The following PCDHGA5 variants were observed in gnomAD, a reference collection of about 807,000 sequenced individuals.
The protein encoded by PCDHGA5 is protocadherin gamma-A5.
Under a neutral mutation model 56.7 loss-of-function variants are expected in PCDHGA5, and 36 were observed. The observed-to-expected ratio is 0.64, with a 90% CI of 0.49 to 0.84. The LOEUF (loss-of-function observed/expected upper bound fraction) is 0.84, where lower values mean the gene tolerates loss of function less well. Ranked by LOEUF, PCDHGA5 falls within the 40% of genes least tolerant of loss-of-function variation. The pLI is 0.00. For missense variants in PCDHGA5, 1,305 were observed against 1,201.5 expected (o/e 1.09, Z -1.27); for synonymous variants, 563 against 520.2 (o/e 1.08, Z -1.12).
intron 1 of PCDHGA5, among the ~76,000 whole-genome samples, chr5:141,381,134 C>T (rs1034042035): frequency 2.0e-5 from 3 of 152,196 alleles, no homozygotes; most frequent in African/African-American, 7.2e-5. Context: ...GGAGCAATGC[C>T]ACCAGAAAGC....
intron 1 of PCDHGA5, chr5:141,430,554 A>G (rs372392559): frequency 3.2e-5 from 13 of 411,906 alleles, no homozygotes; most frequent in Admixed American, 4.0e-5. Context: ...CTGTTCACCA[A>G]TCGGGGAGAG....
intron 1 of PCDHGA5, chr5:141,393,958 T>C: frequency 6.2e-7 from 1 of 1,613,966 alleles, no homozygotes; most frequent in East Asian, 2.2e-5. Flanking sequence ...AATGGTCAAG[T>C]TGTCTGTTAC....
rs1225025591 is a variant in PCDHGA5 at position 141,493,316 on chromosome 5, T to G, written c.2422-1491T>G. Among the ~76,000 whole-genome samples, 2 of 152,198 alleles carry G rather than the reference T, an allele frequency of 1.3e-5. No homozygotes were observed. The highest frequency in any genetic ancestry group is 2.1e-4 in the South Asian group (1 of 4,826). Reference sequence around the variant, plus strand: ...AGTTCACAGAGCAAGTAAGAGAGATTCTAACCCCTGTCTAACTCCAGAATG... The same window carrying G: ...AGTTCACAGAGCAAGTAAGAGAGATGCTAACCCCTGTCTAACTCCAGAATG... On this transcript the variant is annotated intron_variant, in intron 1 of 3. Coordinates refer to ENST00000518069, the MANE Select transcript of PCDHGA5 (RefSeq NM_018918.3). This position sits in a 1 kb window ranked among gnomAD's most constrained non-coding sequence, Gnocchi z 4.3.
At chr5:141,415,641 T>TA (rs113784532) in intron 1 of PCDHGA5, 91,654 of 1,192,004 alleles carry the variant, frequency 0.077, 689 homozygotes, top group South Asian at 0.099. Context: ...TTACTTTTGT[T>TA]AAAAAAAAAA....
At chr5:141,424,784 C>T (rs1351935601) in intron 1 of PCDHGA5, 2 of 152,062 alleles carry the variant, frequency 1.3e-5, no homozygotes, top group Non-Finnish European at 2.9e-5. Context: ...ACATTCAGTT[C>T]TTTTATTCAG....
intron 1 of PCDHGA5, among the ~76,000 whole-genome samples, chr5:141,469,449 C>A (rs1017174114): frequency 2.0e-5 from 3 of 151,846 alleles, no homozygotes; most frequent in African/African-American, 7.3e-5. Context: ...GTGGTGCACA[C>A]CTGTAGTCTC....
At chr5:141,430,986 C>T (rs549700048) in intron 1 of PCDHGA5, 3 of 1,613,762 alleles carry the variant, frequency 1.9e-6, no homozygotes, top group East Asian at 2.2e-5. Flanking sequence ...CAGCTTTTCG[C>T]CCTGAATCCG....
intron 1 of PCDHGA5, among the ~76,000 whole-genome samples, chr5:141,474,788 A>G (rs1426105047): frequency 6.6e-6 from 1 of 152,232 alleles, no homozygotes; most frequent in Non-Finnish European, 1.5e-5. Context: ...AACACTTTAC[A>G]TCTAATGGAG....
intron 1 of PCDHGA5, chr5:141,388,330 G>A: frequency 6.2e-7 from 1 of 1,613,882 alleles, no homozygotes; most frequent in Non-Finnish European, 8.5e-7. Context: ...GCACAGCCTG[G>A]CACACGATTT....
intron 1 of PCDHGA5, chr5:141,409,130 G>C (rs1265386524): frequency 2.5e-6 from 4 of 1,613,994 alleles, no homozygotes; most frequent in Non-Finnish European, 3.4e-6. Flanking sequence ...ATTTGATTTT[G>C]AAGATGTAGA....
Position 141,485,274 on chromosome 5 carries a change from C to G in PCDHGA5, c.2422-9533C>G. 2 of 1,614,106 alleles carry G rather than the reference C, an allele frequency of 1.2e-6. No homozygotes were observed. Among genetic ancestry groups the G allele is most frequent in the Non-Finnish European group, 1.7e-6 (2 of 1,179,964 alleles). On this transcript the variant is annotated intron_variant, in intron 1 of 3. Transcript: ENST00000518069. The surrounding 1 kb of genome is among the most constrained non-coding windows in gnomAD (Gnocchi z 5.7). ...TACGTTTGTGGGCAGATCCGCTACC[C>G]GGTCCCAGAGGAGTCACAGGAAGGG...
Position 141,432,667 on chromosome 5 carries a change from C to T in PCDHGA5, c.2422-62140C>T, listed in dbSNP as rs1312138743. ...CGGCGCGAGCCCTGCTGGACAGAGACGCGCTCAAGCAGAGCCTCGTAGTGG... is the reference window on the plus strand; with the variant it reads ...CGGCGCGAGCCCTGCTGGACAGAGATGCGCTCAAGCAGAGCCTCGTAGTGG... On this transcript the variant is annotated intron_variant, in intron 1 of 3. Transcript: ENST00000518069. This position sits in a 1 kb window ranked among gnomAD's most constrained non-coding sequence, Gnocchi z 6.0. The T allele has an allele frequency of 1.2e-6, 2 of 1,613,876 alleles. No individual in the cohort carries two copies. The highest frequency in any genetic ancestry group is 1.1e-5 in the South Asian group (1 of 91,066).
intron 1 of PCDHGA5, among the ~76,000 whole-genome samples, chr5:141,435,245 G>A (rs577996994): frequency 6.6e-6 from 1 of 152,132 alleles, no homozygotes; most frequent in Admixed American, 6.5e-5. Context: ...ATTCTTTCTG[G>A]CCATTAGGGA....
intron 1 of PCDHGA5, chr5:141,393,489 G>C: frequency 6.2e-7 from 1 of 1,614,062 alleles, no homozygotes; most frequent in Non-Finnish European, 8.5e-7. Flanking sequence ...CTCTAGCACA[G>C]TGCGCATCCA....
chr5:141,408,849 A>G (rs764977493), intron 1 of PCDHGA5: 1 of 1,613,610 alleles, frequency 6.2e-7, no homozygotes, highest in South Asian at 1.1e-5. Context: ...ACTGCCTTGG[A>G]CGGAGGGGAC....
At chr5:141,423,203 T>A (rs2096720538) in intron 1 of PCDHGA5, 1 of 1,613,508 alleles carries the variant, frequency 6.2e-7, no homozygotes, top group African/African-American at 1.3e-5. Context: ...TCGGCCACCG[T>A]CACGCTCACC....
In PCDHGA5 at chr5:141,499,676, C is replaced by G. The variant is rs534287777; in HGVS notation, c.2480+4811C>G. On this transcript the variant is annotated intron_variant, in intron 2 of 3. Coordinates refer to ENST00000518069, the MANE Select transcript of PCDHGA5 (RefSeq NM_018918.3). Reference sequence around the variant, plus strand: ...ATAATTTCATCTTGGTCTCCACCATCTTTAACAGATGACTTTTTTTTTTTT... The same window carrying G: ...ATAATTTCATCTTGGTCTCCACCATGTTTAACAGATGACTTTTTTTTTTTT... Among the ~76,000 whole-genome samples, 13 of 144,474 alleles carry G rather than the reference C, an allele frequency of 9.0e-5. No homozygotes were observed. In the South Asian group the frequency reaches 2.9e-3, roughly 33 times the overall value. The allele number at this position is 144,474 out of a possible 152,430, so 94.8% of individuals were successfully genotyped here.
intron 1 of PCDHGA5, chr5:141,422,005 A>G (rs2154549470): frequency 6.2e-7 from 1 of 1,609,814 alleles, no homozygotes; most frequent in Middle Eastern, 1.7e-4. Context: ...CAGCTCCGGA[A>G]CTCGGGTGCT....
chr5:141,405,858 T>C (rs2094727577), intron 1 of PCDHGA5, among the ~76,000 whole-genome samples: 1 of 152,200 alleles, frequency 6.6e-6, no homozygotes, highest in Non-Finnish European at 1.5e-5. Flanking sequence ...GTGTTTCTCA[T>C]CACTTTTCAC....
Sources: gnomAD v4.1 joint callset for allele counts (sites outside exome capture counted in the v4.1 genomes callset) on GRCh38, gnomAD v4.1.1 for gene constraint, Gnocchi (gnomAD v3.1) non-coding constraint, MANE v1.5 for transcripts, NCBI Gene and HGNC (gene_info 2026-07-23, HGNC 2026-07-21) for gene names.